The following KCNB2 variants were observed in gnomAD, a reference collection of about 807,000 sequenced individuals.
The protein encoded by KCNB2 is potassium voltage-gated channel subfamily B member 2.
A neutral mutation model predicts 61.5 loss-of-function variants in KCNB2; 15 were observed. The ratio of observed to expected loss-of-function variants is 0.24; its 90% CI spans 0.16 to 0.38. The LOEUF (loss-of-function observed/expected upper bound fraction) is 0.38, where lower values mean the gene tolerates loss of function less well. Ranked by LOEUF, KCNB2 falls within the 10% of genes least tolerant of loss-of-function variation. The pLI, the probability that KCNB2 is intolerant of heterozygous loss-of-function variation, is 1.00. For synonymous variants in KCNB2, 457 were observed against 446.0 expected, an observed-to-expected ratio of 1.02 and a Z score of -0.31; for missense variants, 828 against 1,125.2, an observed-to-expected ratio of 0.74 and a Z score of 3.78.
chr8:72,601,426 A>G (rs1805349532), intron 2 of KCNB2, among the ~76,000 whole-genome samples: 1 of 152,226 alleles, frequency 6.6e-6, no homozygotes, highest in African/African-American at 2.4e-5. Context: ...ATCATGAACC[A>G]TCTGAGTTTA....
intron 2 of KCNB2, among the ~76,000 whole-genome samples, chr8:72,612,595 G>A (rs189871172): frequency 3.3e-5 from 5 of 152,236 alleles, no homozygotes; most frequent in African/African-American, 1.2e-4. Flanking sequence ...TCTAATTTAG[G>A]TCTTCATAAT....
chr8:72,592,453 C>CTGTGTGTGTGTGTG (rs10676983), intron 2 of KCNB2, among the ~76,000 whole-genome samples: 7 of 149,690 alleles, frequency 4.7e-5, no homozygotes, highest in Middle Eastern at 3.4e-3. Context: ...ATTATCAACT[C>CTGTGTGTGTGTGTG]TGTGTGTGTG....
chr8:72,923,744 T>C (rs1281443319), intron 2 of KCNB2, among the ~76,000 whole-genome samples: 4 of 152,116 alleles, frequency 2.6e-5, no homozygotes, highest in Non-Finnish European at 5.9e-5. Context: ...TAACTGGCAA[T>C]TACATAAGAA....
intron 2 of KCNB2, among the ~76,000 whole-genome samples, chr8:72,656,259 TA>T (rs1288630427): frequency 3.9e-5 from 6 of 152,026 alleles, no homozygotes; most frequent in African/African-American, 1.4e-4. Flanking sequence ...GGCAAAAGAT[TA>T]AAAAGGATAA....
At chr8:72,737,071 G>A (rs199897065) in intron 2 of KCNB2, among the ~76,000 whole-genome samples, 36 of 148,042 alleles carry the variant, frequency 2.4e-4, no homozygotes, top group African/African-American at 8.0e-4. Context: ...GTTTTTGTTT[G>A]TATTATTAGG....
At chr8:72,753,640 G>A (rs1442407767) in intron 2 of KCNB2, among the ~76,000 whole-genome samples, 1 of 152,158 alleles carries the variant, frequency 6.6e-6, no homozygotes. Context: ...TTAAGTTTGA[G>A]AAAGCAGGCT....
intron 2 of KCNB2, among the ~76,000 whole-genome samples, chr8:72,608,233 C>T (rs899332635): frequency 2.6e-5 from 4 of 152,080 alleles, no homozygotes; most frequent in African/African-American, 9.6e-5. Flanking sequence ...TGGGGGTGGG[C>T]ATTCCTGGTG....
intron 2 of KCNB2, among the ~76,000 whole-genome samples, chr8:72,583,679 T>C (rs190022990): frequency 2.2e-4 from 34 of 152,236 alleles, no homozygotes; most frequent in East Asian, 2.1e-3. Context: ...AGCTCCTGCA[T>C]TGAAAATAGA....
intron 2 of KCNB2, among the ~76,000 whole-genome samples, chr8:72,621,606 T>G (rs1387811183): frequency 2.0e-5 from 3 of 152,186 alleles, no homozygotes; most frequent in Non-Finnish European, 1.5e-5. Context: ...CATGATATGT[T>G]TGGATACAGG....
chr8:72,926,405 A>G (rs959660279), intron 2 of KCNB2, among the ~76,000 whole-genome samples: 6 of 152,150 alleles, frequency 3.9e-5, no homozygotes, highest in Non-Finnish European at 7.3e-5. Flanking sequence ...ATGTGTTCAC[A>G]TGTATTATTT....
intron 1 of KCNB2, among the ~76,000 whole-genome samples, chr8:72,554,526 G>T (rs1806393900): frequency 6.6e-6 from 1 of 151,956 alleles, no homozygotes. Context: ...TGTTTAAATT[G>T]TATATTTATT....
intron 2 of KCNB2, among the ~76,000 whole-genome samples, chr8:72,621,367 C>A (rs1438873451): frequency 6.6e-6 from 1 of 152,112 alleles, no homozygotes; most frequent in Non-Finnish European, 1.5e-5. Flanking sequence ...TCTGTTTTCT[C>A]AAAAAGCTTG....
At chr8:72,765,418 C>T (rs1490440973) in intron 2 of KCNB2, among the ~76,000 whole-genome samples, 1 of 152,186 alleles carries the variant, frequency 6.6e-6, no homozygotes, top group Non-Finnish European at 1.5e-5. Context: ...AGTCAGTCTC[C>T]TTTGTGCTCA....
chr8:72,571,011 G>T (rs1806699617), intron 2 of KCNB2, among the ~76,000 whole-genome samples: 3 of 151,956 alleles, frequency 2.0e-5, no homozygotes, highest in South Asian at 4.2e-4. Context: ...AAATATTCTT[G>T]TGTTTTTCTC....
At chr8:72,870,437 A>G (rs1805598194) in intron 2 of KCNB2, among the ~76,000 whole-genome samples, 3 of 152,212 alleles carry the variant, frequency 2.0e-5, no homozygotes, top group African/African-American at 7.2e-5. Flanking sequence ...TCATTACTGT[A>G]TATTACTTGT....
chr8:72,881,744 T>C (rs1460419550), intron 2 of KCNB2: 2 of 152,180 alleles, frequency 1.3e-5, no homozygotes, highest in African/African-American at 4.8e-5. Context: ...GAAAAAATGT[T>C]GTACAGGCAC....
intron 2 of KCNB2, among the ~76,000 whole-genome samples, chr8:72,759,301 G>T (rs1249617373): frequency 6.6e-6 from 1 of 152,044 alleles, no homozygotes; most frequent in African/African-American, 2.4e-5. Context: ...GTGGAGAAAA[G>T]AATACCACCT....
At chr8:72,578,074 A>G in intron 2 of KCNB2, among the ~76,000 whole-genome samples, 1 of 152,218 alleles carries the variant, frequency 6.6e-6, no homozygotes, top group East Asian at 1.9e-4. Context: ...ATGTCAGAGC[A>G]TGTAGTTTTA....
At chr8:72,799,759 G>A (rs1405445452) in intron 2 of KCNB2, among the ~76,000 whole-genome samples, 4 of 152,086 alleles carry the variant, frequency 2.6e-5, no homozygotes, top group African/African-American at 7.2e-5. Flanking sequence ...ATCTGAAGAC[G>A]TGGACATAAA....
Sources: allele counts gnomAD v4.1 joint callset (sites outside exome capture counted in the v4.1 genomes callset), GRCh38; gene constraint gnomAD v4.1.1; transcripts MANE v1.5; gene names NCBI Gene and HGNC (gene_info 2026-07-23, HGNC 2026-07-21).